The following PCDHGA2 variants were observed in gnomAD, a reference collection of about 807,000 sequenced individuals.
PCDHGA2 encodes protocadherin gamma subfamily A, 2.
Under a neutral mutation model 59.2 loss-of-function variants are expected in PCDHGA2, and 40 were observed. The ratio of observed to expected loss-of-function variants is 0.68; its 90% CI spans 0.52 to 0.88. The LOEUF is 0.88. Among genes scored for constraint, PCDHGA2 ranks in the 40% least tolerant of loss-of-function variants. PCDHGA2 has a pLI of 0.00. For synonymous variants in PCDHGA2, 560 were observed against 526.0 expected (o/e 1.06, Z -0.89); for missense variants, 1,226 against 1,204.0 (o/e 1.02, Z -0.27).
chr5:141,356,135 CTG>C (rs753275749), intron 1 of PCDHGA2: 2 of 1,613,762 alleles, frequency 1.2e-6, no homozygotes, highest in Non-Finnish European at 1.7e-6. Flanking sequence ...TATGAGGACT[CTG>C]GATTCTATGA....
intron 1 of PCDHGA2, chr5:141,372,262 C>T (rs1288257660): frequency 6.2e-7 from 1 of 1,613,106 alleles, no homozygotes; most frequent in Non-Finnish European, 8.5e-7. Flanking sequence ...GGCCTGCGCA[C>T]GGGTGAGGTG....
chr5:141,384,797 T>C (rs766396351), intron 1 of PCDHGA2: 13 of 1,613,368 alleles, frequency 8.1e-6, no homozygotes, highest in Non-Finnish European at 1.1e-5. Context: ...CGGGCCCTGC[T>C]GGACAGAGAT....
chr5:141,391,744 C>T (rs559357798), intron 1 of PCDHGA2: 1 of 152,230 alleles, frequency 6.6e-6, no homozygotes, highest in South Asian at 2.1e-4. Context: ...TCATACTTAT[C>T]CTTTGGCTTC....
intron 1 of PCDHGA2, chr5:141,345,708 G>C: frequency 6.2e-7 from 1 of 1,614,208 alleles, no homozygotes; most frequent in Non-Finnish European, 8.5e-7. Context: ...GAACGACAAC[G>C]CGCCCGAGAT....
At chr5:141,361,527 C>A (rs780371360) in intron 1 of PCDHGA2, 1 of 1,614,060 alleles carries the variant, frequency 6.2e-7, no homozygotes, top group Admixed American at 1.7e-5. Context: ...TGGCAGAGAA[C>A]AATCCTCCTG....
chr5:141,361,201 C>T, intron 1 of PCDHGA2: 1 of 1,613,980 alleles, frequency 6.2e-7, no homozygotes, highest in Non-Finnish European at 8.5e-7. Flanking sequence ...ATCTACTCCC[C>T]TACCGGAGGA....
At chr5:141,365,799 C>G (rs755374983) in intron 1 of PCDHGA2, 1 of 1,613,942 alleles carries the variant, frequency 6.2e-7, no homozygotes, top group South Asian at 1.1e-5. Flanking sequence ...GTCACCTACT[C>G]CCTGGCTGAA....
At chr5:141,351,677 T>C (rs1295398348) in intron 1 of PCDHGA2, 1 of 1,613,958 alleles carries the variant, frequency 6.2e-7, no homozygotes. Flanking sequence ...AGTAAGCGCC[T>C]CCGACCCGGA....
In PCDHGA2 at chr5:141,339,120, A is replaced by G. The variant is rs1321405080; in HGVS notation, c.149A>G (p.Lys50Arg). Reference sequence around the variant, plus strand: ...GGCTCCTTCGTAGGCAACATCGCCAAGGACTTGGGTTTGGAGCCCCTGGCA... The same window carrying G: ...GGCTCCTTCGTAGGCAACATCGCCAGGGACTTGGGTTTGGAGCCCCTGGCA... ...DRGSFVGNIA[K>R]DLGLEPLALA... The change falls in exon 1 of 4, where the codon AAG (lysine) becomes AGG (arginine). Residue 50 changes from lysine (K) to arginine (R), a missense_variant. By Grantham distance (26) the Lys-to-Arg change is conservative. Transcript: ENST00000394576. 1 of 1,614,246 alleles carries G rather than the reference A, an allele frequency of 6.2e-7. No homozygotes were observed.
intron 1 of PCDHGA2, chr5:141,408,715 G>T: frequency 1.9e-6 from 3 of 1,612,078 alleles, no homozygotes; most frequent in Non-Finnish European, 2.5e-6. Flanking sequence ...AAGATTATAA[G>T]ATAAACTCTA....
intron 1 of PCDHGA2, chr5:141,418,613 C>T (rs759701663): frequency 9.9e-6 from 16 of 1,613,892 alleles, no homozygotes; most frequent in Non-Finnish European, 1.4e-5. Context: ...GGTTAGCCTT[C>T]GGGAAGACGT....
chr5:141,341,879 C>T (rs3806839), intron 1 of PCDHGA2: 73,433 of 161,462 alleles, frequency 0.45, 18,776 homozygotes, highest in East Asian at 0.58. Flanking sequence ...TAATACATTT[C>T]TTTCAGTTTG....
At chr5:141,474,323 C>T (rs1176074252) in intron 1 of PCDHGA2, among the ~76,000 whole-genome samples, 2 of 152,186 alleles carry the variant, frequency 1.3e-5, no homozygotes, top group Non-Finnish European at 2.9e-5. Context: ...GTTTTCAAAT[C>T]ACCCTGATGT....
intron 2 of PCDHGA2, among the ~76,000 whole-genome samples, chr5:141,498,404 C>T (rs1283586713): frequency 6.6e-6 from 1 of 152,104 alleles, no homozygotes; most frequent in African/African-American, 2.4e-5. Context: ...AGGGAGTTTT[C>T]TCTTTGCTGG....
At chr5:141,361,454 T>G (rs780424534) in intron 1 of PCDHGA2, 1 of 1,614,026 alleles carries the variant, frequency 6.2e-7, no homozygotes, top group Non-Finnish European at 8.5e-7. Context: ...ATTGTCACCC[T>G]GCACATCTCC....
intron 1 of PCDHGA2, chr5:141,351,708 T>G: frequency 6.2e-7 from 1 of 1,613,718 alleles, no homozygotes; most frequent in Non-Finnish European, 8.5e-7. Flanking sequence ...AACGGCAGAG[T>G]CTCCTACTCT....
Position 141,476,231 on chromosome 5 carries a change from G to A in PCDHGA2, c.2425-18576G>A. The A allele has an allele frequency of 6.2e-7, 1 of 1,614,084 alleles. No individual in the cohort carries two copies. Among genetic ancestry groups the A allele is most frequent in the Non-Finnish European group, 8.5e-7 (1 of 1,180,034 alleles). On this transcript the variant is annotated intron_variant, in intron 1 of 3. Coordinates refer to ENST00000394576, the MANE Select transcript of PCDHGA2 (RefSeq NM_018915.4). The surrounding 1 kb of genome is among the most constrained non-coding windows in gnomAD (Gnocchi z 7.6). ...CACGGTCATTCACTATGAGATCCCG[G>A]AGGAAAGAGAGAAGGGTTTCGCTGT...
At chr5:141,361,397 C>T in intron 1 of PCDHGA2, 1 of 1,614,008 alleles carries the variant, frequency 6.2e-7, no homozygotes, top group Non-Finnish European at 8.5e-7. Flanking sequence ...TACAATCTCA[C>T]CATCACAGCC....
At chr5:141,495,015 G>C in intron 2 of PCDHGA2, 150 bp downstream of exon 2, 2 of 1,507,428 alleles carry the variant, frequency 1.3e-6, no homozygotes, top group East Asian at 4.9e-5. Flanking sequence ...CGGGGGGCTG[G>C]CACACAGACC....
Sources: allele counts gnomAD v4.1 joint callset (sites outside exome capture counted in the v4.1 genomes callset), GRCh38; gene constraint gnomAD v4.1.1; non-coding constraint Gnocchi (gnomAD v3.1); transcripts MANE v1.5; gene names NCBI Gene and HGNC (gene_info 2026-07-23, HGNC 2026-07-21).